Variants in SLC49A4 observed in about 807,000 individuals in gnomAD.
SLC49A4 encodes solute carrier family 49 member 4, also known as disrupted in renal cancer protein 2.
Under a neutral mutation model 50.6 loss-of-function variants are expected in SLC49A4, and 36 were observed. The observed-to-expected ratio is 0.71, with a 90% CI of 0.55 to 0.94. SLC49A4 has a LOEUF of 0.94. Ranked by LOEUF, SLC49A4 falls within the 40% of genes least tolerant of loss-of-function variation. The pLI, the probability that SLC49A4 is intolerant of heterozygous loss-of-function variation, is 0.00. For missense variants in SLC49A4, 503 were observed against 605.7 expected (o/e 0.83, Z 1.78); for synonymous variants, 248 against 241.2 (o/e 1.03, Z -0.26).
chr3:122,825,929 A>G (rs900597832), intron 2 of SLC49A4, among the ~76,000 whole-genome samples: 3 of 152,184 alleles, frequency 2.0e-5, no homozygotes, highest in Non-Finnish European at 1.5e-5. Context: ...GAATATTGGG[A>G]AAAGGTCAGC....
intron 4 of SLC49A4, among the ~76,000 whole-genome samples, chr3:122,838,581 A>G (rs1283195052): frequency 6.6e-6 from 1 of 151,604 alleles, no homozygotes; most frequent in African/African-American, 2.4e-5. Context: ...GGGGAAGGAT[A>G]GCATTAGGAG....
rs182317861 is a variant in SLC49A4, at chr3:122,846,633, T to A, written c.942+762T>A. On this transcript the variant is annotated intron_variant, in intron 5 of 8. Coordinates refer to ENST00000261038, the MANE Select transcript of SLC49A4 (RefSeq NM_032839.3). ...AACTTCTCCAAAGTGGTGGTATCCA[T>A]GTGTAATCCTACCAGCAAAAATTTC... Among the ~76,000 whole-genome samples, 5 of 152,358 alleles carry A rather than the reference T, an allele frequency of 3.3e-5. No individual in the cohort carries two copies. The East Asian group carries it at 5.8e-4, about 18-fold the overall frequency.
intron 1 of SLC49A4, among the ~76,000 whole-genome samples, chr3:122,803,511 G>A (rs770700022): frequency 6.6e-6 from 1 of 152,216 alleles, no homozygotes; most frequent in Non-Finnish European, 1.5e-5. Context: ...CAGGCATGAT[G>A]TCATTAGTTC....
chr3:122,855,294 C>A (rs559224033), intron 5 of SLC49A4, among the ~76,000 whole-genome samples: 1 of 151,862 alleles, frequency 6.6e-6, no homozygotes, highest in Admixed American at 6.6e-5. Context: ...AAATAGATTG[C>A]GAAGACCATT....
chr3:122,832,024 A>G (rs1455677455), intron 3 of SLC49A4, among the ~76,000 whole-genome samples: 3 of 152,066 alleles, frequency 2.0e-5, no homozygotes, highest in Non-Finnish European at 4.4e-5. Flanking sequence ...TTAAAAAAAT[A>G]GGAATCTTTA....
chr3:122,814,200 G>T (rs1365195413), intron 2 of SLC49A4, among the ~76,000 whole-genome samples: 3 of 152,206 alleles, frequency 2.0e-5, no homozygotes, highest in Non-Finnish European at 2.9e-5. Context: ...CCTGGGAGGC[G>T]GAGGTTACAG....
At chr3:122,877,869 T>C (rs1322218643) in intron 8 of SLC49A4, among the ~76,000 whole-genome samples, 1 of 152,206 alleles carries the variant, frequency 6.6e-6, no homozygotes, top group Non-Finnish European at 1.5e-5. Flanking sequence ...CTTCTCTGAG[T>C]ATTTAGACTA....
At chr3:122,864,024 G>T (rs958292580) in intron 7 of SLC49A4, among the ~76,000 whole-genome samples, 1 of 152,132 alleles carries the variant, frequency 6.6e-6, no homozygotes, top group Non-Finnish European at 1.5e-5. Flanking sequence ...AAGTAGCTGG[G>T]ATTACAGGAG....
rs146350452 is a variant in SLC49A4 at position 122,816,315 on chromosome 3, A to G, written c.437+9365A>G. Among the ~76,000 whole-genome samples, 38 of 152,212 alleles carry G rather than the reference A, an allele frequency of 2.5e-4. No homozygotes were observed. The East Asian group carries it at 7.2e-3, about 29-fold the overall frequency. Reference sequence around the variant, plus strand: ...CCTTAGCAGAGCTCTTGTCCCTTCCATCTCTGCTTGCAAACCAGCTAATTC... The same window carrying G: ...CCTTAGCAGAGCTCTTGTCCCTTCCGTCTCTGCTTGCAAACCAGCTAATTC... On this transcript the variant is annotated intron_variant, in intron 2 of 8. Coordinates refer to ENST00000261038, the MANE Select transcript of SLC49A4 (RefSeq NM_032839.3).
At chr3:122,848,125 G>C (rs725404) in intron 5 of SLC49A4, among the ~76,000 whole-genome samples, 13,684 of 152,082 alleles carry the variant, frequency 0.09, 835 homozygotes, top group East Asian at 0.18. Context: ...CTGGAGCTCT[G>C]TTCTTTTACC....
intron 5 of SLC49A4, among the ~76,000 whole-genome samples, chr3:122,852,065 C>T (rs1936934077): frequency 6.8e-6 from 1 of 147,326 alleles, no homozygotes; most frequent in East Asian, 2.0e-4. Flanking sequence ...GTGATCAGCT[C>T]ACTGCAACCT....
At chr3:122,869,716 G>A (rs1262504976) in intron 7 of SLC49A4, among the ~76,000 whole-genome samples, 1 of 152,098 alleles carries the variant, frequency 6.6e-6, no homozygotes, top group Non-Finnish European at 1.5e-5. Context: ...TCTTTCCAAC[G>A]ACAGTTAATT....
In SLC49A4 at chr3:122,795,267, C is replaced by T; in HGVS notation, c.75C>T (p.Ala25=). The change falls in exon 1 of 9, where the codon GCC becomes GCT. Residue 25 remains alanine, a synonymous_variant. Transcript: ENST00000261038. ...LGPGLGPGLG[A]SWRSREAAAA... is the part of the protein sequence containing the mutation. Reference sequence around the variant, plus strand: ...CCGGGCTCGGGCCTGGGCTGGGGGCCTCCTGGAGAAGCCGGGAGGCGGCGG... The same window carrying T: ...CCGGGCTCGGGCCTGGGCTGGGGGCTTCCTGGAGAAGCCGGGAGGCGGCGG... 7.1e-7 allele frequency: 1 copy of T among 1,402,910 alleles called. No homozygotes were observed. Among genetic ancestry groups the T allele is most frequent in the Non-Finnish European group, 9.2e-7 (1 of 1,091,844 alleles). The allele number at this position is 1,402,910 out of a possible 1,614,324, so 86.9% of individuals were successfully genotyped here. A position where few individuals can be genotyped will look rare whatever the true frequency, so the allele number is the denominator to read the frequency against.
intron 2 of SLC49A4, among the ~76,000 whole-genome samples, chr3:122,808,266 C>G (rs1362944911): frequency 6.6e-6 from 1 of 151,830 alleles, no homozygotes; most frequent in Non-Finnish European, 1.5e-5. Context: ...TCAGGGAAAC[C>G]AGCAATAAAC....
At chr3:122,842,574 C>T (rs56343603) in intron 4 of SLC49A4, among the ~76,000 whole-genome samples, 1 of 149,852 alleles carries the variant, frequency 6.7e-6, no homozygotes, top group Non-Finnish European at 1.5e-5. Flanking sequence ...CATATTATGA[C>T]GTACTAATAA....
intron 1 of SLC49A4, among the ~76,000 whole-genome samples, chr3:122,804,539 G>A (rs550126192): frequency 6.6e-5 from 10 of 152,340 alleles, no homozygotes; most frequent in Non-Finnish European, 7.3e-5. Context: ...AGTGACATGA[G>A]GAAAGCATTT....
Position 122,795,079 on chromosome 3 carries a change from C to G in SLC49A4, c.-114C>G. 8.4e-7 allele frequency: 1 copy of G among 1,186,492 alleles called. No individual in the cohort carries two copies. Among genetic ancestry groups the G allele is most frequent in the African/African-American group, 1.6e-5 (1 of 63,120 alleles). The allele number at this position is 1,186,492 out of a possible 1,614,324, so 73.5% of individuals were successfully genotyped here. A position where few individuals can be genotyped will look rare whatever the true frequency, so the allele number is the denominator to read the frequency against. ...AGGCGCACCAGGCGCGGTCCGGAGG[C>G]CGAGGGCGACCACAGCAGCCTCCGC... is the stretch of plus-strand genomic sequence containing the variant. On this transcript the variant is annotated 5_prime_UTR_variant, in exon 1 of 9. Transcript: ENST00000261038.
chr3:122,828,804 C>T lies in SLC49A4; in HGVS notation c.703+1739C>T, dbSNP rs75346817. Among the ~76,000 whole-genome samples, 1,221 of 152,054 alleles carry T rather than the reference C, an allele frequency of 8.0e-3. 17 individuals carry two copies. Among genetic ancestry groups the T allele is most frequent in the African/African-American group, 0.027 (1,111 of 41,488 alleles). ...GTAAAAATGAGTAAATAAAACTGAA[C>T]GCAGGTGAAACATAAGTTTTAAACT... On this transcript the variant is annotated intron_variant, in intron 3 of 8. Transcript: ENST00000261038.
chr3:122,816,044 A>C (rs1936363267), intron 2 of SLC49A4, among the ~76,000 whole-genome samples: 1 of 152,028 alleles, frequency 6.6e-6, no homozygotes, highest in Admixed American at 6.5e-5. Flanking sequence ...TACCTGTTGA[A>C]TCTCCTCTTT....
Sources: allele counts gnomAD v4.1 joint callset (sites outside exome capture counted in the v4.1 genomes callset), GRCh38; gene constraint gnomAD v4.1.1; transcripts MANE v1.5; gene names NCBI Gene and HGNC (gene_info 2026-07-23, HGNC 2026-07-21).